MAP4K4: variants seen among roughly 807,000 people sequenced by gnomAD.
MAP4K4 encodes mitogen-activated protein kinase kinase kinase kinase 4, also known as HPK/GCK-like kinase HGK.
In MAP4K4, 38 loss-of-function variants were observed where a neutral mutation model predicts 189.6. The ratio of observed to expected loss-of-function variants is 0.20; its 90% confidence interval spans 0.15 to 0.26. MAP4K4 has a LOEUF of 0.26. Among genes scored for constraint, MAP4K4 ranks in the 10% least tolerant of loss-of-function variants. The pLI, the probability that MAP4K4 is intolerant of heterozygous loss-of-function variation, is 1.00. For missense variants in MAP4K4, 1,054 were observed against 1,726.9 expected, an observed-to-expected ratio of 0.61 and a Z score of 6.91; for synonymous variants, 610 against 624.3, an observed-to-expected ratio of 0.98 and a Z score of 0.34.
intron 3 of MAP4K4, among the ~76,000 whole-genome samples, chr2:101,812,975 A>G (rs1015578941): frequency 1.3e-5 from 2 of 152,218 alleles, no homozygotes; most frequent in Admixed American, 6.5e-5. Context: ...TAAAAATACA[A>G]AAAATTAGCT....
At chr2:101,838,225 A>G (rs2096820618) in intron 9 of MAP4K4, among the ~76,000 whole-genome samples, 1 of 152,148 alleles carries the variant, frequency 6.6e-6, no homozygotes, top group African/African-American at 2.4e-5. Flanking sequence ...CCAACCTCAA[A>G]GTTTCTGGTC....
intron 2 of MAP4K4, among the ~76,000 whole-genome samples, chr2:101,750,825 A>G (rs536436649): frequency 8.1e-6 from 1 of 122,756 alleles, no homozygotes; most frequent in Non-Finnish European, 1.7e-5. Context: ...GACCCTGTCT[A>G]AAAAAAAAAA....
intron 2 of MAP4K4, among the ~76,000 whole-genome samples, chr2:101,715,563 AT>A (rs2047931644): frequency 6.6e-6 from 1 of 152,192 alleles, no homozygotes; most frequent in African/African-American, 2.4e-5. Flanking sequence ...TTCATATTAT[AT>A]TTCATGGTAT....
At chr2:101,771,294 T>G (rs1286397489) in intron 2 of MAP4K4, among the ~76,000 whole-genome samples, 1 of 152,174 alleles carries the variant, frequency 6.6e-6, no homozygotes, top group East Asian at 1.9e-4. Context: ...AGAGCAAACC[T>G]TCTTGTACCT....
In MAP4K4 at chr2:101,835,896, C is replaced by T. The variant is rs1480337124; in HGVS notation, c.695-4C>T. The T allele has an allele frequency of 1.9e-6, 3 of 1,608,888 alleles. No homozygotes were observed. The highest frequency in any genetic ancestry group is 1.7e-5 in the Admixed American group (1 of 60,010). On this transcript the variant is annotated splice_region_variant and splice_polypyrimidine_tract_variant and intron_variant, in intron 8 of 32. Transcript: ENST00000324219. ...ATACTGACACGACCGTCTCCTCTCC[C>T]CAGCTCTCTGTGACATGCATCCAAT... is the stretch of plus-strand genomic sequence containing the variant.
At chr2:101,744,628 T>TA (rs1473013794) in intron 2 of MAP4K4, among the ~76,000 whole-genome samples, 1 of 152,034 alleles carries the variant, frequency 6.6e-6, no homozygotes, top group Non-Finnish European at 1.5e-5. Context: ...GGGGCCAGCG[T>TA]ACCTCACTGG....
intron 2 of MAP4K4, among the ~76,000 whole-genome samples, chr2:101,744,802 TAGC>T (rs2064462018): frequency 6.6e-6 from 1 of 152,184 alleles, no homozygotes; most frequent in Admixed American, 6.5e-5. Context: ...AAAATGTAGC[TAGC>T]CTATAGTTCC....
At chr2:101,802,228 T>A (rs138384020) in intron 3 of MAP4K4, among the ~76,000 whole-genome samples, 7 of 152,330 alleles carry the variant, frequency 4.6e-5, no homozygotes, top group African/African-American at 1.7e-4. Context: ...CCTCTGGTTT[T>A]GGCTGCCACC....
At chr2:101,776,111 A>G (rs576913217) in intron 2 of MAP4K4, among the ~76,000 whole-genome samples, 1 of 152,236 alleles carries the variant, frequency 6.6e-6, no homozygotes, top group Non-Finnish European at 1.5e-5. Context: ...ATCAAGCCGT[A>G]GTGGCAGTTA....
intron 2 of MAP4K4, among the ~76,000 whole-genome samples, chr2:101,777,431 G>A (rs193029324): frequency 6.6e-6 from 1 of 152,200 alleles, no homozygotes; most frequent in African/African-American, 2.4e-5. Flanking sequence ...AGTGGAGCTA[G>A]CGTATCCCAC....
intron 2 of MAP4K4, among the ~76,000 whole-genome samples, chr2:101,713,852 C>A (rs550871244): frequency 3.9e-5 from 6 of 152,222 alleles, no homozygotes; most frequent in African/African-American, 1.4e-4. Context: ...TGAGGTCGCG[C>A]CACTGCACTC....
chr2:101,786,051 C>T (rs969422248), intron 2 of MAP4K4, among the ~76,000 whole-genome samples: 5 of 152,100 alleles, frequency 3.3e-5, no homozygotes, highest in African/African-American at 7.2e-5. Flanking sequence ...GTTTCGAACT[C>T]CTGACCTGAA....
chr2:101,760,530 A>ATATGTG (rs1439425886), intron 2 of MAP4K4, among the ~76,000 whole-genome samples: 1 of 138,692 alleles, frequency 7.2e-6, no homozygotes, highest in Non-Finnish European at 1.5e-5. Context: ...ATATGTATAT[A>ATATGTG]TGTGTGTGTG....
intron 3 of MAP4K4, among the ~76,000 whole-genome samples, chr2:101,808,856 A>G (rs2095223007): frequency 6.6e-6 from 1 of 151,900 alleles, no homozygotes; most frequent in East Asian, 1.9e-4. Context: ...TTTTTTCTCT[A>G]ACAGTAAAAT....
chr2:101,822,455 A>G (rs555167750), intron 3 of MAP4K4, among the ~76,000 whole-genome samples: 33 of 152,370 alleles, frequency 2.2e-4, no homozygotes, highest in Admixed American at 7.2e-4. Flanking sequence ...GAGAATTACT[A>G]TTCTAAGATG....
At chr2:101,800,384 G>T (rs577493382) in intron 3 of MAP4K4, among the ~76,000 whole-genome samples, 2 of 152,302 alleles carry the variant, frequency 1.3e-5, no homozygotes, top group South Asian at 4.1e-4. Context: ...AGGCGTGAGG[G>T]ACCACACCTG....
intron 24 of MAP4K4, among the ~76,000 whole-genome samples, chr2:101,872,493 A>G (rs2098072206): frequency 6.6e-6 from 1 of 152,088 alleles, no homozygotes; most frequent in African/African-American, 2.4e-5. Flanking sequence ...CCACTTGAGC[A>G]CCCGTATTGA....
At chr2:101,698,180 G>GCAGCCGA (rs1408486287) in intron 1 of MAP4K4, 43 bp downstream of exon 1, 1 of 936,070 alleles carries the variant, frequency 1.1e-6, no homozygotes. Context: ...CGGGCAGCCG[G>GCAGCCGA]CAGCCGGCAG....
chr2:101,796,506 G>A lies in MAP4K4; in HGVS notation c.180+5730G>A, dbSNP rs1244681411. Among the ~76,000 whole-genome samples, 24 of 152,248 alleles carry A rather than the reference G, an allele frequency of 1.6e-4. No homozygotes were observed. In the East Asian group the frequency reaches 4.6e-3, roughly 29 times the overall value. ...TTAGACACTGCAGGAATTAGAACCT[G>A]GATCTTTGATTCCCTACTTACTGTA... On this transcript the variant is annotated intron_variant, in intron 3 of 32. Coordinates refer to ENST00000324219, the Ensembl canonical transcript of MAP4K4.
Sources: gnomAD v4.1 joint callset for allele counts (sites outside exome capture counted in the v4.1 genomes callset) on GRCh38, gnomAD v4.1.1 for gene constraint, MANE v1.5 for transcripts, NCBI Gene and HGNC (gene_info 2026-07-23, HGNC 2026-07-21) for gene names.